TTC28: variants seen among roughly 807,000 people sequenced by gnomAD.
TTC28 encodes the protein tetratricopeptide repeat protein 28.
TTC28 carries 61 observed loss-of-function variants against 198.0 expected under a neutral mutation model. The ratio of observed to expected loss-of-function variants is 0.31; its 90% CI spans 0.25 to 0.38. The LOEUF is 0.38. Ranked by LOEUF, TTC28 falls within the 10% of genes least tolerant of loss-of-function variation. The pLI, the probability that TTC28 is intolerant of heterozygous loss-of-function variation, is 1.00. For missense variants in TTC28, 2,678 were observed against 3,164.0 expected (o/e 0.85, Z 3.69); for synonymous variants, 1,171 against 1,297.8 (o/e 0.90, Z 2.10).
At chr22:28,488,914 C>A (rs962167952) in intron 2 of TTC28, among the ~76,000 whole-genome samples, 2 of 152,112 alleles carry the variant, frequency 1.3e-5, no homozygotes, top group Non-Finnish European at 2.9e-5. Context: ...GAATAAAAAA[C>A]GAAACCCCAA....
intron 5 of TTC28, among the ~76,000 whole-genome samples, chr22:28,251,617 G>C (rs1385918901): frequency 6.6e-6 from 1 of 152,138 alleles, no homozygotes; most frequent in Non-Finnish European, 1.5e-5. Flanking sequence ...ATATAGGGTG[G>C]CATATGATTA....
intron 2 of TTC28, among the ~76,000 whole-genome samples, chr22:28,371,707 G>T (rs1211005229): frequency 7.2e-6 from 1 of 138,378 alleles, no homozygotes; most frequent in South Asian, 2.5e-4. Flanking sequence ...TCAGCCTCCC[G>T]AATAGCTGGG....
At chr22:28,304,525 T>C (rs552362738) in intron 3 of TTC28, among the ~76,000 whole-genome samples, 1 of 152,178 alleles carries the variant, frequency 6.6e-6, no homozygotes, top group Non-Finnish European at 1.5e-5. Flanking sequence ...ATTGAAGCAC[T>C]CCAGGAACCA....
At position 28,564,901 on chromosome 22, in the gene TTC28, A is replaced by G. The variant is rs1030214745; in HGVS notation, c.381+64651T>C. Among the ~76,000 whole-genome samples, 26 of 147,822 alleles carry G rather than the reference A, an allele frequency of 1.8e-4. 3 individuals carry two copies. The South Asian group carries it at 3.8e-3, about 21-fold the overall frequency. On this transcript the variant is annotated intron_variant, in intron 2 of 22. Transcript: ENST00000397906. ...TAATTTATTATATAAATAAATTTAT[A>G]TGTAATTTATATATAAATTATATAA...
At chr22:28,542,847 A>G (rs1029711959) in intron 2 of TTC28, among the ~76,000 whole-genome samples, 1 of 152,178 alleles carries the variant, frequency 6.6e-6, no homozygotes, top group Non-Finnish European at 1.5e-5. Flanking sequence ...TCCAAAATCA[A>G]TGATAGAAAA....
At chr22:28,158,265 C>T (rs1476919302) in intron 6 of TTC28, among the ~76,000 whole-genome samples, 2 of 151,862 alleles carry the variant, frequency 1.3e-5, no homozygotes, top group Non-Finnish European at 2.9e-5. Flanking sequence ...GAGGAGGACA[C>T]CAAGAACTGG....
chr22:28,679,537 T>C, intron 1 of TTC28, 85 bp downstream of exon 1: 1 of 894,604 alleles, frequency 1.1e-6, no homozygotes, highest in South Asian at 1.9e-5. Context: ...TCGCAGGCGC[T>C]CCTCTGCCGC....
intron 2 of TTC28, among the ~76,000 whole-genome samples, chr22:28,347,913 TG>T (rs1248745064): frequency 6.6e-6 from 1 of 152,210 alleles, no homozygotes; most frequent in African/African-American, 2.4e-5. Flanking sequence ...TTACATATTT[TG>T]AGGAAGGAAC....
chr22:28,423,064 A>G (rs2047287028), intron 2 of TTC28, among the ~76,000 whole-genome samples: 1 of 152,184 alleles, frequency 6.6e-6, no homozygotes, highest in Admixed American at 6.5e-5. Flanking sequence ...GTCAAAAACT[A>G]CTGTAGATTC....
Position 28,033,314 on chromosome 22 carries a change from T to C in TTC28, c.3933-2948A>G, listed in dbSNP as rs142914312. Reference sequence around the variant, plus strand: ...TTACAAAACAAGCCTCATATCTATATAGTAGGAGTCCCTAGTGCCTTGCCA... The same window carrying C: ...TTACAAAACAAGCCTCATATCTATACAGTAGGAGTCCCTAGTGCCTTGCCA... On this transcript the variant is annotated intron_variant, in intron 12 of 22. Transcript: ENST00000397906. Among the ~76,000 whole-genome samples the C allele has an allele frequency of 3.5e-3, 539 of 152,320 alleles. 9 individuals are homozygous for C. Among genetic ancestry groups the C allele is most frequent in the Admixed American group, 0.028 (427 of 15,288 alleles).
intron 2 of TTC28, among the ~76,000 whole-genome samples, chr22:28,391,128 T>C (rs2046711740): frequency 6.6e-6 from 1 of 152,198 alleles, no homozygotes; most frequent in East Asian, 1.9e-4. Flanking sequence ...TATGAAATTC[T>C]GGGTTGAAAA....
At chr22:28,492,042 T>C (rs1410127899) in intron 2 of TTC28, among the ~76,000 whole-genome samples, 2 of 149,184 alleles carry the variant, frequency 1.3e-5, no homozygotes, top group Non-Finnish European at 3.0e-5. Context: ...TTTTCACTCA[T>C]AGGTGAGAAT....
At chr22:28,049,204 C>G (rs1043828026) in intron 12 of TTC28, among the ~76,000 whole-genome samples, 1 of 152,250 alleles carries the variant, frequency 6.6e-6, no homozygotes, top group South Asian at 2.1e-4. Context: ...GACCTCATCG[C>G]CTGCACCTGG....
intron 3 of TTC28, among the ~76,000 whole-genome samples, chr22:28,304,970 T>A (rs942102266): frequency 1.8e-4 from 25 of 141,150 alleles, no homozygotes; most frequent in South Asian, 4.5e-4. Flanking sequence ...TTTGTTTATT[T>A]ATTATTTATT....
Position 28,537,302 on chromosome 22 carries a change from A to C in TTC28, c.381+92250T>G, listed in dbSNP as rs193045081. Among the ~76,000 whole-genome samples the C allele has an allele frequency of 1.1e-3, 137 of 130,462 alleles. 4 individuals carry two copies. In the East Asian group the frequency reaches 0.023, roughly 22 times the overall value. The allele number at this position is 130,462 out of a possible 152,430, so 85.6% of individuals were successfully genotyped here. A position where few individuals can be genotyped will look rare whatever the true frequency, so the allele number is the denominator to read the frequency against. ...AGCCAGACTCCGTCTCAAAAATAAA[A>C]TAAAATAAAATAAAATAAAATAAAA... On this transcript the variant is annotated intron_variant, in intron 2 of 22. Coordinates refer to ENST00000397906, the MANE Select transcript of TTC28 (RefSeq NM_001145418.2).
intron 5 of TTC28, among the ~76,000 whole-genome samples, chr22:28,191,693 T>A (rs1479073988): frequency 1.3e-5 from 2 of 152,198 alleles, no homozygotes; most frequent in Non-Finnish European, 2.9e-5. Flanking sequence ...TGCTCATTGC[T>A]AGCGCAGCAG....
At chr22:28,363,008 G>A (rs892661724) in intron 2 of TTC28, among the ~76,000 whole-genome samples, 2 of 152,154 alleles carry the variant, frequency 1.3e-5, no homozygotes, top group Non-Finnish European at 2.9e-5. Context: ...CATTTTCTGA[G>A]GAGAAATTCA....
At chr22:28,584,464 G>A (rs1467852002) in intron 2 of TTC28, among the ~76,000 whole-genome samples, 2 of 152,000 alleles carry the variant, frequency 1.3e-5, no homozygotes, top group Admixed American at 6.6e-5. Context: ...TGATATCTTG[G>A]ATCCATATCA....
chr22:28,540,796 T>C (rs1175515656), intron 2 of TTC28, among the ~76,000 whole-genome samples: 2 of 152,320 alleles, frequency 1.3e-5, no homozygotes, highest in African/African-American at 2.4e-5. Context: ...CAGTCTAATA[T>C]GCTTCCTTCA....
Sources: gnomAD v4.1 joint callset for allele counts (sites outside exome capture counted in the v4.1 genomes callset) on GRCh38, gnomAD v4.1.1 for gene constraint, MANE v1.5 for transcripts, NCBI Gene and HGNC (gene_info 2026-07-23, HGNC 2026-07-21) for gene names.